The following ZKSCAN2 variants were observed in gnomAD, a reference collection of about 807,000 sequenced individuals.
ZKSCAN2 encodes zinc finger with KRAB and SCAN domains 2.
In ZKSCAN2, 38 loss-of-function variants were observed where a neutral mutation model predicts 90.5. The ratio of observed to expected loss-of-function variants is 0.42; its 90% CI spans 0.32 to 0.55. ZKSCAN2 has a LOEUF of 0.55. ZKSCAN2 is among the 20% of genes least tolerant of loss of function. The pLI is 0.11. For synonymous variants in ZKSCAN2, 429 were observed against 421.6 expected, an observed-to-expected ratio of 1.02 and a Z score of -0.22; for missense variants, 1,167 against 1,202.6, an observed-to-expected ratio of 0.97 and a Z score of 0.44.
intron 4 of ZKSCAN2, 109 bp downstream of exon 4, chr16:25,251,800 T>C (rs1029690711): frequency 1.5e-6 from 2 of 1,336,978 alleles, no homozygotes; most frequent in African/African-American, 1.5e-5. Context: ...AGACAATCCT[T>C]AGAGATCCTT....
intron 6 of ZKSCAN2, among the ~76,000 whole-genome samples, chr16:25,242,089 T>A (rs1160086547): frequency 1.3e-5 from 2 of 152,150 alleles, no homozygotes; most frequent in East Asian, 3.9e-4. Context: ...AGTCTCAAAC[T>A]CCTGTGCTCA....
intron 5 of ZKSCAN2, among the ~76,000 whole-genome samples, chr16:25,244,986 C>T (rs1377693003): frequency 6.6e-6 from 1 of 152,156 alleles, no homozygotes; most frequent in African/African-American, 2.4e-5. Flanking sequence ...TGGTTTCTTC[C>T]AGGCCTATGA....
chr16:25,255,774 G>A (rs763185616), intron 1 of ZKSCAN2, among the ~76,000 whole-genome samples: 9 of 152,048 alleles, frequency 5.9e-5, no homozygotes, highest in African/African-American at 9.7e-5. Context: ...GTAGAGATGG[G>A]GTTTCATTAT....
chr16:25,255,230 C>T lies in ZKSCAN2; in HGVS notation c.562G>A (p.Glu188Lys). 1.2e-6 allele frequency: 2 copies of T among 1,608,330 alleles called. No homozygotes were observed. The highest frequency in any genetic ancestry group is 1.7e-6 in the Non-Finnish European group (2 of 1,178,452). The change falls in exon 2 of 7, where the codon GAA becomes AAA. Residue 188 changes from glutamate (E) to lysine (K), a missense_variant. Coordinates refer to ENST00000328086, the MANE Select transcript of ZKSCAN2 (RefSeq NM_001012981.5). ...CCATTCTTGGGTAAGGGCCGACGTT[C>T]TCGCTTTCGGTTCAGCTGTTCCTGG... ...GHQEQLNRKRERRPLPKNARP... is the reference protein window; with the variant it reads ...GHQEQLNRKRKRRPLPKNARP...
At position 25,252,951 on chromosome 16, in the gene ZKSCAN2, A is replaced by T; in HGVS notation, c.673T>A (p.Ser225Thr). The change falls in exon 3 of 7, where the codon TCC becomes ACC. Residue 225 changes from serine to threonine, a missense_variant. Coordinates refer to ENST00000328086, the MANE Select transcript of ZKSCAN2 (RefSeq NM_001012981.5). Reference protein sequence around the residue: ...EVTTTRLPAGSQEPVKDVHVA... With the variant: ...EVTTTRLPAGTQEPVKDVHVA... ...AAAAGACAATTACAATGTACCTGGGACCCAGCAGGAAGCCGTGTGGTTGTC... is the reference window on the plus strand; with the variant it reads ...AAAAGACAATTACAATGTACCTGGGTCCCAGCAGGAAGCCGTGTGGTTGTC... 6.2e-7 allele frequency: 1 copy of T among 1,612,944 alleles called. No individual in the cohort carries two copies. The highest frequency in any genetic ancestry group is 8.5e-7 in the Non-Finnish European group (1 of 1,179,082).
intron 5 of ZKSCAN2, 85 bp downstream of exon 5, chr16:25,246,622 C>CG (rs1436887407): frequency 6.9e-7 from 1 of 1,442,578 alleles, no homozygotes; most frequent in East Asian, 2.3e-5. Context: ...CAGCACCCCC[C>CG]GGGTTTGGCC....
chr16:25,249,717 G>A (rs1962990336), intron 4 of ZKSCAN2, among the ~76,000 whole-genome samples: 1 of 152,152 alleles, frequency 6.6e-6, no homozygotes, highest in Non-Finnish European at 1.5e-5. Flanking sequence ...ACAAGGTTGT[G>A]GAGAAAAGGG....
intron 5 of ZKSCAN2, 66 bp downstream of exon 5, chr16:25,246,641 T>C: frequency 6.3e-7 from 1 of 1,579,228 alleles, no homozygotes; most frequent in Non-Finnish European, 8.7e-7. Context: ...CCACTTCTGG[T>C]CTACTCCTTT....
chr16:25,256,791 C>T lies in ZKSCAN2; in HGVS notation c.337G>A (p.Gly113Arg), dbSNP rs1228674068. 4 of 1,614,220 alleles carry T rather than the reference C, an allele frequency of 2.5e-6. No homozygotes were observed. In the South Asian group the frequency reaches 3.3e-5, roughly 13 times the overall value. ...AWAQKQCPQS[G>R]EEAVALVVHL... ...ACTACCAGGGCCACCGCTTCCTCTC[C>T]ACTTTGCGGACACTGCTTCTGTGCC... Residue 113 changes from glycine (G) to arginine (R), a missense_variant, in exon 1 of 7, where the codon GGA becomes AGA. Coordinates refer to ENST00000328086, the MANE Select transcript of ZKSCAN2 (RefSeq NM_001012981.5).
At position 25,257,441 on chromosome 16, in the gene ZKSCAN2, T is replaced by C. The variant is rs1963125079; in HGVS notation, c.-314A>G. 1.9e-6 allele frequency: 2 copies of C among 1,062,798 alleles called. No homozygotes were observed. The highest frequency in any genetic ancestry group is 4.4e-5 in the South Asian group (1 of 22,786). 65.8% of individuals were successfully genotyped at this position (1,062,798 alleles called of 1,614,324 possible). ...GGAGGCTGGACGACTGGGAGAAAAATGAAGCAGGCTGAGGAAAGGCTGGGC... is the reference window on the plus strand; with the variant it reads ...GGAGGCTGGACGACTGGGAGAAAAACGAAGCAGGCTGAGGAAAGGCTGGGC... On this transcript the variant is annotated 5_prime_UTR_variant, in exon 1 of 7. Transcript: ENST00000328086.
intron 3 of ZKSCAN2, among the ~76,000 whole-genome samples, chr16:25,252,602 C>T (rs1285478105): frequency 1.3e-5 from 2 of 152,016 alleles, no homozygotes; most frequent in African/African-American, 4.8e-5. Context: ...CCTAAACACC[C>T]TAGTAAGGAA....
rs368529222 is a variant in ZKSCAN2 at position 25,256,969 on chromosome 16, A to G, written c.159T>C (p.Tyr53=). 6.8e-6 allele frequency: 11 copies of G among 1,614,098 alleles called. No homozygotes were observed. The highest frequency in any genetic ancestry group is 2.2e-5 in the East Asian group (1 of 44,896). ...CTTCATGGGGTCCAGTCACATCCTC[A>G]TAACAGAATTGCCTGAAGCATTTGC... The part of the protein sequence containing the change: ...TFRKCFRQFC[Y]EDVTGPHEAF... Residue 53 remains tyrosine, a synonymous_variant, in exon 1 of 7, where the codon TAT becomes TAC. Transcript: ENST00000328086.
At chr16:25,244,349 G>T in intron 5 of ZKSCAN2, 73 bp from the exon 6 acceptor site, 1 of 1,480,376 alleles carries the variant, frequency 6.8e-7, no homozygotes, top group Non-Finnish European at 9.1e-7. Context: ...TATACATTAA[G>T]AAATGTAGAG....
rs369898611 is a variant in ZKSCAN2 at position 25,253,310 on chromosome 16, CTGCCAA to C, written c.587-279_587-274del. 3.1e-3 allele frequency among the ~76,000 whole-genome samples: 472 copies of C among 152,262 alleles called. 2 individuals carry two copies. The highest frequency in any genetic ancestry group is 0.011 in the African/African-American group (447 of 41,546). Reference sequence around the variant, plus strand: ...GAGCACACATCTGATTGAAAGGGCACTGCCAATGCCAATGCTCAGGTCCCGCTCATG... The same window carrying C: ...GAGCACACATCTGATTGAAAGGGCACTGCCAATGCTCAGGTCCCGCTCATG... On this transcript the variant is annotated intron_variant, in intron 2 of 6. Transcript: ENST00000328086.
chr16:25,251,544 A>G (rs1350171076), intron 4 of ZKSCAN2, among the ~76,000 whole-genome samples: 1 of 152,222 alleles, frequency 6.6e-6, no homozygotes, highest in Non-Finnish European at 1.5e-5. Flanking sequence ...AGAGATGAAC[A>G]TGTCGTAATT....
At chr16:25,247,449 TC>T in intron 4 of ZKSCAN2, 59 bp from the exon 5 acceptor site, 1 of 1,446,050 alleles carries the variant, frequency 6.9e-7, no homozygotes, top group Non-Finnish European at 9.4e-7. Flanking sequence ...CATGCCTCAA[TC>T]TTCTGCTGTC....
chr16:25,246,889 T>C lies in ZKSCAN2; in HGVS notation c.1307A>G (p.Asp436Gly), dbSNP rs1048820360. 1 of 1,614,224 alleles carries C rather than the reference T, an allele frequency of 6.2e-7. No individual in the cohort carries two copies. Among genetic ancestry groups the C allele is most frequent in the Non-Finnish European group, 8.5e-7 (1 of 1,180,048 alleles). The stretch of plus-strand genomic sequence containing the variant: ...GACAGGTATCATCTCCTTTGGTTTA[T>C]CAGTGGACGGAGCACGGGCTGCAGG... ...LNPAARAPST[D>G]KPKEMIPVPR... The change falls in exon 5 of 7, where the codon GAT (aspartate) becomes GGT (glycine). Residue 436 changes from aspartate (D) to glycine (G), a missense_variant. Physicochemically the swap from Asp to Gly is moderately conservative, Grantham distance 94. Coordinates refer to ENST00000328086, the MANE Select transcript of ZKSCAN2 (RefSeq NM_001012981.5).
chr16:25,238,993 C>G lies in ZKSCAN2; in HGVS notation c.*823G>C, dbSNP rs1179690436. 6.6e-6 allele frequency: 1 copy of G among 152,616 alleles called. No individual in the cohort carries two copies. 9.5% of individuals were successfully genotyped at this position (152,616 alleles called of 1,614,324 possible). A position where few individuals can be genotyped will look rare whatever the true frequency, so the allele number is the denominator to read the frequency against. On this transcript the variant is annotated 3_prime_UTR_variant, in exon 7 of 7. Coordinates refer to ENST00000328086, the MANE Select transcript of ZKSCAN2 (RefSeq NM_001012981.5). Reference sequence around the variant, plus strand: ...ACACACCACGAGCAGGCCTCCTATTCTATCTGAGGAGGGCATGGTAGTTCG... The same window carrying G: ...ACACACCACGAGCAGGCCTCCTATTGTATCTGAGGAGGGCATGGTAGTTCG...
In ZKSCAN2 at chr16:25,244,140, G is replaced by A; in HGVS notation, c.1626C>T (p.Gly542=). Residue 542 remains glycine, a synonymous_variant, in exon 6 of 7, where the codon GGC becomes GGT. Coordinates refer to ENST00000328086, the MANE Select transcript of ZKSCAN2 (RefSeq NM_001012981.5). ...GGCACTGTTCTGGTGTCCGGAGGAA[G>A]CCGCACTCTCGAAGCTGTTCAGCTA... ...GAVAEQLREC[G]FLRTPEQCRT... 3 of 1,614,156 alleles carry A rather than the reference G, an allele frequency of 1.9e-6. No homozygotes were observed. The highest frequency in any genetic ancestry group is 2.5e-6 in the Non-Finnish European group (3 of 1,180,024).
Sources: allele counts gnomAD v4.1 joint callset (sites outside exome capture counted in the v4.1 genomes callset), GRCh38; gene constraint gnomAD v4.1.1; transcripts MANE v1.5; gene names NCBI Gene and HGNC (gene_info 2026-07-23, HGNC 2026-07-21).